FREM1: variants seen among roughly 807,000 people sequenced by gnomAD.
FREM1 encodes the protein FRAS1 related extracellular matrix 1.
A neutral mutation model predicts 210.1 loss-of-function variants in FREM1; 220 were observed. The observed-to-expected ratio is 1.05, with a 90% CI of 0.94 to 1.17. The LOEUF (loss-of-function observed/expected upper bound fraction) is 1.17, where lower values mean the gene tolerates loss of function less well. Ranked by LOEUF, FREM1 falls within the 50% of genes most tolerant of loss-of-function variation. FREM1 has a pLI of 0.00. For synonymous variants in FREM1, 1,189 were observed against 980.2 expected (o/e 1.21, Z -3.98); for missense variants, 3,454 against 2,675.5 (o/e 1.29, Z -6.42).
intron 25 of FREM1, 96 bp downstream of exon 25, chr9:14,775,689 CAGAG>C (rs545046645): frequency 4.1e-6 from 3 of 738,110 alleles, no homozygotes; most frequent in Non-Finnish European, 6.2e-6. Flanking sequence ...GCCTGGGTGA[CAGAG>C]AGAGACTCCC....
chr9:14,835,646 G>T (rs961477707), intron 10 of FREM1, among the ~76,000 whole-genome samples: 8 of 152,174 alleles, frequency 5.3e-5, no homozygotes, highest in Non-Finnish European at 1.2e-4. Context: ...GGTATTAGAG[G>T]ATACAAACCC....
chr9:14,742,854 C>T (rs941242939), intron 35 of FREM1, among the ~76,000 whole-genome samples: 11 of 152,086 alleles, frequency 7.2e-5, no homozygotes, highest in Non-Finnish European at 1.6e-4. Context: ...CTTGTCAGTA[C>T]ACCTATGATG....
intron 15 of FREM1, among the ~76,000 whole-genome samples, chr9:14,814,546 T>C (rs1819960945): frequency 6.6e-6 from 1 of 152,210 alleles, no homozygotes; most frequent in Admixed American, 6.5e-5. Context: ...GGCTAGTTAT[T>C]TAAAGACTTT....
chr9:14,818,596 C>G (rs1200664786), intron 14 of FREM1, among the ~76,000 whole-genome samples: 1 of 152,166 alleles, frequency 6.6e-6, no homozygotes, highest in Non-Finnish European at 1.5e-5. Context: ...AGTTGTTTCA[C>G]TAGATTTTGT....
At chr9:14,814,663 T>G (rs1254225464) in intron 15 of FREM1, among the ~76,000 whole-genome samples, 1 of 152,208 alleles carries the variant, frequency 6.6e-6, no homozygotes, top group East Asian at 1.9e-4. Context: ...GTATTGTTCT[T>G]GACCCTGAGG....
rs1043164278 is a variant in FREM1, at chr9:14,816,993, A to T, written c.2547-122T>A. 4.7e-4 allele frequency: 188 copies of T among 402,456 alleles called. 2 individuals carry two copies. The East Asian group carries it at 6.6e-3, about 14-fold the overall frequency. 24.9% of individuals were successfully genotyped at this position (402,456 alleles called of 1,614,324 possible). On this transcript the variant is annotated intron_variant, in intron 14 of 36. Coordinates refer to ENST00000380880, the MANE Select transcript of FREM1 (RefSeq NM_001379081.2). ...TTCACTAAATAAATAAATAGCAACAACAACAACAACAAAAACCCAGCATAA... is the reference window on the plus strand; with the variant it reads ...TTCACTAAATAAATAAATAGCAACATCAACAACAACAAAAACCCAGCATAA...
At chr9:14,769,107 GTC>G (rs1387525648) in intron 27 of FREM1, among the ~76,000 whole-genome samples, 1 of 152,124 alleles carries the variant, frequency 6.6e-6, no homozygotes, top group Non-Finnish European at 1.5e-5. Context: ...AATTGCTGTG[GTC>G]TGTTAATCTC....
chr9:14,775,512 CCTGA>C (rs1444356228), intron 25 of FREM1, among the ~76,000 whole-genome samples: 1 of 151,936 alleles, frequency 6.6e-6, no homozygotes, highest in Non-Finnish European at 1.5e-5. Context: ...TCGCCACCAG[CCTGA>C]CTGACATGGT....
chr9:14,757,223 C>G (rs1481025864), intron 28 of FREM1, among the ~76,000 whole-genome samples: 1 of 152,210 alleles, frequency 6.6e-6, no homozygotes, highest in East Asian at 1.9e-4. Context: ...GAAGTCATGG[C>G]CTTGAATTCC....
chr9:14,896,429 A>T (rs1837729533), intron 1 of FREM1, among the ~76,000 whole-genome samples: 1 of 151,918 alleles, frequency 6.6e-6, no homozygotes, highest in South Asian at 2.1e-4. Flanking sequence ...CTGTAATCCC[A>T]GCTACTCAGG....
Position 14,770,632 on chromosome 9 carries a change from GT to G in FREM1, c.5031del (p.Lys1677AsnfsTer23). On this transcript the variant is annotated frameshift_variant, in exon 26 of 37. Coordinates refer to ENST00000380880, the MANE Select transcript of FREM1 (RefSeq NM_001379081.2). LOFTEE classifies it high-confidence loss of function. ...QIIFKILQGP[K>X]HGHLENTTTG... ...GTTGTTGTGTTCTCCAGATGTCCATGTTTTGGGCCTTGTAGAATTTTAAAGA... is the reference window on the plus strand; with the variant it reads ...GTTGTTGTGTTCTCCAGATGTCCATGTTTGGGCCTTGTAGAATTTTAAAGA... 6.2e-7 allele frequency: 1 copy of G among 1,613,206 alleles called. No individual in the cohort carries two copies. The highest frequency in any genetic ancestry group is 8.5e-7 in the Non-Finnish European group (1 of 1,179,364).
chr9:14,804,323 T>C (rs923351766), intron 19 of FREM1, among the ~76,000 whole-genome samples: 2 of 152,190 alleles, frequency 1.3e-5, no homozygotes, highest in Non-Finnish European at 2.9e-5. Flanking sequence ...CGGTGGCTCA[T>C]GCCTGTAATC....
At chr9:14,875,482 C>G (rs977264287) in intron 1 of FREM1, among the ~76,000 whole-genome samples, 20 of 152,220 alleles carry the variant, frequency 1.3e-4, no homozygotes, top group Non-Finnish European at 4.4e-5. Context: ...CCTGAGGCTT[C>G]TGCATTCTTC....
At chr9:14,826,312 G>A (rs1014420895) in intron 10 of FREM1, among the ~76,000 whole-genome samples, 6 of 151,994 alleles carry the variant, frequency 3.9e-5, no homozygotes, top group African/African-American at 1.4e-4. Context: ...GTCTGGTCTC[G>A]AACTCCTGAC....
intron 7 of FREM1, among the ~76,000 whole-genome samples, chr9:14,846,816 G>C (rs998291628): frequency 3.9e-5 from 6 of 152,298 alleles, no homozygotes; most frequent in African/African-American, 1.2e-4. Flanking sequence ...ACATCTGCCA[G>C]CTTCACCTGC....
At chr9:14,822,097 C>T (rs997189095) in intron 13 of FREM1, among the ~76,000 whole-genome samples, 3 of 152,178 alleles carry the variant, frequency 2.0e-5, no homozygotes, top group African/African-American at 7.2e-5. Context: ...GTTCCCTGCA[C>T]AAGTTCTCTT....
In FREM1 at chr9:14,846,033, G is replaced by A. The variant is rs551520153; in HGVS notation, c.1320C>T (p.Val440=). The A allele has an allele frequency of 1.3e-4, 215 of 1,609,652 alleles. 3 individuals carry two copies. In the South Asian group the frequency reaches 1.9e-3, roughly 14 times the overall value. ...RAITWEQFQV[V]DNDDIGAVRL... The stretch of plus-strand genomic sequence containing the variant: ...GGACAGCACCAATGTCGTCATTGTC[G>A]ACAACCTGAAACTGTTCCCAAGTGA... Residue 440 remains valine (V), a synonymous_variant, in exon 8 of 37, where the codon GTC becomes GTT. Transcript: ENST00000380880.
chr9:14,842,613 C>A lies in FREM1; in HGVS notation c.1441G>T (p.Val481Phe), dbSNP rs1375339078. The change falls in exon 9 of 37, where the codon GTT becomes TTT. Residue 481 changes from valine to phenylalanine, a missense_variant. Physicochemically the swap from Val to Phe is conservative, Grantham distance 50 (BLOSUM62 -1). Transcript: ENST00000380880. ...TCGCTGTCATCATGATGATAGCGAA[C>A]AACTCCAGCCTGGAGGTCAGCCACG... ...FTVADLQAGV[V>F]RYHHDDSDST... 3 of 1,613,936 alleles carry A rather than the reference C, an allele frequency of 1.9e-6. No individual in the cohort carries two copies. Among genetic ancestry groups the A allele is most frequent in the Non-Finnish European group, 2.5e-6 (3 of 1,179,862 alleles).
chr9:14,838,018 A>C (rs1824947804), intron 10 of FREM1, among the ~76,000 whole-genome samples: 1 of 152,166 alleles, frequency 6.6e-6, no homozygotes, highest in South Asian at 2.1e-4. Flanking sequence ...CTGAGCCCCA[A>C]AGGGGTTAAA....
Sources: allele counts gnomAD v4.1 joint callset (sites outside exome capture counted in the v4.1 genomes callset), GRCh38; gene constraint gnomAD v4.1.1; transcripts MANE v1.5; gene names NCBI Gene and HGNC (gene_info 2026-07-23, HGNC 2026-07-21).